EFCAB13: variants seen among roughly 807,000 people sequenced by gnomAD.
EFCAB13 encodes EF-hand calcium binding domain 13.
EFCAB13 carries 91 observed loss-of-function variants against 110.2 expected under a neutral mutation model. That is an observed-to-expected ratio of 0.83 (90% CI 0.70 to 0.98). EFCAB13 has a LOEUF of 0.98. EFCAB13 is among the 50% of genes least tolerant of loss of function. The pLI is 0.00. For missense variants in EFCAB13, 968 were observed against 1,119.4 expected (o/e 0.86, Z 1.93); for synonymous variants, 323 against 369.9 (o/e 0.87, Z 1.45).
At chr17:47,412,533 T>G (rs1375182629) in intron 21 of EFCAB13, among the ~76,000 whole-genome samples, 1 of 152,206 alleles carries the variant, frequency 6.6e-6, no homozygotes, top group Admixed American at 6.5e-5. Context: ...GAAGACAAAG[T>G]CTTATTATAA....
chr17:47,384,812 C>T (rs886127803), intron 14 of EFCAB13, among the ~76,000 whole-genome samples: 2 of 151,864 alleles, frequency 1.3e-5, no homozygotes, highest in Non-Finnish European at 2.9e-5. Flanking sequence ...GCTCTGTTGC[C>T]CAGGCTGGAG....
chr17:47,362,223 C>G (rs527369817), intron 10 of EFCAB13, among the ~76,000 whole-genome samples: 93 of 152,156 alleles, frequency 6.1e-4, no homozygotes, highest in Non-Finnish European at 8.8e-4. Flanking sequence ...AGCAATTACT[C>G]TTTATTTCAA....
intron 23 of EFCAB13, among the ~76,000 whole-genome samples, chr17:47,424,872 A>ATTTTTTTTTTTTTTTTTTTTT (rs1459453287): frequency 7.3e-5 from 5 of 68,344 alleles, no homozygotes; most frequent in Admixed American, 1.4e-4. Context: ...CCGGTTGACA[A>ATTTTTTTTTTTTTTTTTTTTT]TCTTTTTTTT....
intron 5 of EFCAB13, among the ~76,000 whole-genome samples, chr17:47,336,761 G>A (rs778862299): frequency 2.0e-5 from 3 of 152,012 alleles, no homozygotes; most frequent in Non-Finnish European, 4.4e-5. Context: ...TCTTTTAGCA[G>A]TTCTTTCTTG....
At position 47,377,866 on chromosome 17, in the gene EFCAB13, A is replaced by T; in HGVS notation, c.1473A>T (p.Glu491Asp). ...LPSTGINLLD[E>D]EFQKIVTDTS... is the part of the protein sequence containing the mutation. ...CAACAGGAATTAATTTATTAGATGA[A>T]GAATTCCAGAAGATTGTGACAGACA... The change falls in exon 13 of 25, where the codon GAA becomes GAT. Residue 491 changes from glutamate to aspartate, a missense_variant. Coordinates refer to ENST00000331493, the MANE Select transcript of EFCAB13 (RefSeq NM_152347.5). 1 of 1,595,988 alleles carries T rather than the reference A, an allele frequency of 6.3e-7. No individual in the cohort carries two copies. The highest frequency in any genetic ancestry group is 8.5e-7 in the Non-Finnish European group (1 of 1,175,566).
At chr17:47,363,653 A>G (rs910891965) in intron 10 of EFCAB13, among the ~76,000 whole-genome samples, 3 of 152,190 alleles carry the variant, frequency 2.0e-5, no homozygotes, top group African/African-American at 7.2e-5. Flanking sequence ...GTATGAATTA[A>G]GTAGTTGAAG....
chr17:47,370,226 T>C (rs1276583677), intron 10 of EFCAB13, among the ~76,000 whole-genome samples: 1 of 152,164 alleles, frequency 6.6e-6, no homozygotes, highest in Non-Finnish European at 1.5e-5. Flanking sequence ...GAAAAACTCT[T>C]TTATTAAGGA....
intron 23 of EFCAB13, among the ~76,000 whole-genome samples, chr17:47,420,576 G>A (rs1265943054): frequency 6.6e-6 from 1 of 152,128 alleles, no homozygotes; most frequent in Non-Finnish European, 1.5e-5. Context: ...CGTCTGAGAT[G>A]TGGGGAGCGC....
chr17:47,354,268 G>A (rs2065468483), intron 9 of EFCAB13, among the ~76,000 whole-genome samples: 1 of 152,042 alleles, frequency 6.6e-6, no homozygotes, highest in African/African-American at 2.4e-5. Flanking sequence ...TCTTAAATTT[G>A]TTGAGGCTTG....
In EFCAB13 at chr17:47,402,166, AG is replaced by A. The variant is rs749493113; in HGVS notation, c.1981del (p.Val661Ter). 6.2e-7 allele frequency: 1 copy of A among 1,613,968 alleles called. No individual in the cohort carries two copies. Among genetic ancestry groups the A allele is most frequent in the South Asian group, 1.1e-5 (1 of 91,086 alleles). On this transcript the variant is annotated frameshift_variant, in exon 18 of 25. Transcript: ENST00000331493. LOFTEE classifies it high-confidence loss of function. ...AAGTACAATTTGAAGAATTTGCAAA[AG>A]TAGTAAGGAATATGCGTGATGCTGC... ...DKVQFEEFAKVVRNMRDAARL... is the reference protein window; with the variant it reads ...DKVQFEEFAKXVRNMRDAARL...
intron 23 of EFCAB13, among the ~76,000 whole-genome samples, chr17:47,419,395 C>G (rs1327088365): frequency 2.0e-5 from 3 of 152,042 alleles, no homozygotes; most frequent in African/African-American, 7.3e-5. Flanking sequence ...CCAGCCTGGG[C>G]AACATGGCAA....
At chr17:47,418,711 G>T (rs887446702) in intron 23 of EFCAB13, among the ~76,000 whole-genome samples, 2 of 152,260 alleles carry the variant, frequency 1.3e-5, no homozygotes, top group African/African-American at 4.8e-5. Flanking sequence ...TAATAAATTA[G>T]AGTTAATTTT....
At position 47,395,958 on chromosome 17, in the gene EFCAB13, G is replaced by C; in HGVS notation, c.1926G>C (p.Leu642Phe). ...NLKKDEFLAA[L>F]ELVTVDEGDK... ...AAAAGGATGAATTTCTAGCTGCATTGGAACTAGTGACAGTTGATGGTGAGT... is the reference window on the plus strand; with the variant it reads ...AAAAGGATGAATTTCTAGCTGCATTCGAACTAGTGACAGTTGATGGTGAGT... The change falls in exon 17 of 25, where the codon TTG (leucine) becomes TTC (phenylalanine). Residue 642 changes from leucine to phenylalanine, a missense_variant. Leu to Phe is a conservative substitution (Grantham distance 22). Coordinates refer to ENST00000331493, the MANE Select transcript of EFCAB13 (RefSeq NM_152347.5). 1 of 1,607,472 alleles carries C rather than the reference G, an allele frequency of 6.2e-7. No individual in the cohort carries two copies. Among genetic ancestry groups the C allele is most frequent in the African/African-American group, 1.3e-5 (1 of 74,870 alleles).
At chr17:47,398,715 G>A (rs936145637) in intron 17 of EFCAB13, among the ~76,000 whole-genome samples, 1 of 150,710 alleles carries the variant, frequency 6.6e-6, no homozygotes, top group East Asian at 2.0e-4. Flanking sequence ...CAAACACTGC[G>A]GAAGGCCGCA....
At chr17:47,384,785 T>A (rs867090784) in intron 14 of EFCAB13, among the ~76,000 whole-genome samples, 16 of 151,560 alleles carry the variant, frequency 1.1e-4, no homozygotes, top group African/African-American at 2.7e-4. Context: ...TTTTTTTTTT[T>A]ATTGAGAAGG....
chr17:47,376,364 G>A (rs2065615395), intron 12 of EFCAB13, among the ~76,000 whole-genome samples: 1 of 152,120 alleles, frequency 6.6e-6, no homozygotes, highest in Admixed American at 6.5e-5. Context: ...TGAAACAGCA[G>A]ACAGACATGG....
rs572454145 is a variant in EFCAB13 at position 47,431,296 on chromosome 17, T to A, written c.2638+1335T>A. Reference sequence around the variant, plus strand: ...CATCTATTTTTTCTTTGTTTTTTTTTAACTCTTTTTTTTCCTTTTTTCAGT... The same window carrying A: ...CATCTATTTTTTCTTTGTTTTTTTTAAACTCTTTTTTTTCCTTTTTTCAGT... On this transcript the variant is annotated intron_variant, in intron 24 of 24. Coordinates refer to ENST00000331493, the MANE Select transcript of EFCAB13 (RefSeq NM_152347.5). The surrounding 1 kb of genome is among the most constrained non-coding windows in gnomAD (Gnocchi z 4.1). Among the ~76,000 whole-genome samples, 271 of 152,128 alleles carry A rather than the reference T, an allele frequency of 1.8e-3. No homozygotes were observed. Among genetic ancestry groups the A allele is most frequent in the Non-Finnish European group, 2.7e-3 (186 of 67,956 alleles).
chr17:47,376,582 T>G lies in EFCAB13; in HGVS notation c.1373-1184T>G, dbSNP rs146496921. On this transcript the variant is annotated intron_variant, in intron 12 of 24. Coordinates refer to ENST00000331493, the MANE Select transcript of EFCAB13 (RefSeq NM_152347.5). ...ATGATTTACATTAAAAAATTCTAAC[T>G]TTTCATTTTTAAATAATTTCACATT... Among the ~76,000 whole-genome samples the G allele has an allele frequency of 5.3e-5, 8 of 152,318 alleles. No individual in the cohort carries two copies. The East Asian group carries it at 1.3e-3, about 26-fold the overall frequency.
At chr17:47,419,300 A>G (rs1438509259) in intron 23 of EFCAB13, among the ~76,000 whole-genome samples, 2 of 152,220 alleles carry the variant, frequency 1.3e-5, no homozygotes, top group Admixed American at 1.3e-4. Context: ...GCAAAAAAAT[A>G]CTGATGGCTG....
Sources: allele counts gnomAD v4.1 joint callset (sites outside exome capture counted in the v4.1 genomes callset), GRCh38; gene constraint gnomAD v4.1.1; non-coding constraint Gnocchi (gnomAD v3.1); transcripts MANE v1.5; gene names NCBI Gene and HGNC (gene_info 2026-07-23, HGNC 2026-07-21).